DLGAP3: variants seen among roughly 807,000 people sequenced by gnomAD.
DLGAP3 encodes disks large-associated protein 3.
A neutral mutation model predicts 81.2 loss-of-function variants in DLGAP3; 17 were observed. The observed-to-expected ratio is 0.21, with a 90% CI of 0.14 to 0.31. DLGAP3 has a LOEUF of 0.31. Among genes scored for constraint, DLGAP3 ranks in the 10% least tolerant of loss-of-function variants. DLGAP3 has a pLI of 1.00. For missense variants in DLGAP3, 1,124 were observed against 1,388.0 expected (o/e 0.81, Z 3.02); for synonymous variants, 577 against 587.4 (o/e 0.98, Z 0.26).
chr1:34,878,104 C>T (rs1413340083), intron 8 of DLGAP3, among the ~76,000 whole-genome samples: 1 of 152,020 alleles, frequency 6.6e-6, no homozygotes, highest in Non-Finnish European at 1.5e-5. Flanking sequence ...CAGGAGTTCG[C>T]GACCAGCCTG....
Position 34,866,049 on chromosome 1 carries a change from G to GCGGGC in DLGAP3, c.*29_*33dup. ...GGGTGTACAGTACGGGTGGAGAACC[G>GCGGGC]CGGGCCCGGGCCGGGCTGGGCGGGC... On this transcript the variant is annotated 3_prime_UTR_variant, in exon 12 of 12. Transcript: ENST00000373347. 1.3e-6 allele frequency: 2 copies of GCGGGC among 1,560,602 alleles called. No homozygotes were observed. Among genetic ancestry groups the GCGGGC allele is most frequent in the Non-Finnish European group, 1.7e-6 (2 of 1,153,408 alleles).
chr1:34,904,552 T>G lies in DLGAP3; in HGVS notation c.832A>C (p.Arg278=), dbSNP rs1360299083. 6.2e-7 allele frequency: 1 copy of G among 1,613,890 alleles called. No individual in the cohort carries two copies. The highest frequency in any genetic ancestry group is 8.5e-7 in the Non-Finnish European group (1 of 1,179,944). The change falls in exon 3 of 12, where the codon AGG becomes CGG. Residue 278 remains arginine, a synonymous_variant. Coordinates refer to ENST00000373347, the MANE Select transcript of DLGAP3 (RefSeq NM_001080418.3). This position sits in a 1 kb window ranked among gnomAD's most constrained non-coding sequence, Gnocchi z 8.1. ...DSDSGFLAGG[R]PPGEPGGPFC... is the part of the protein sequence containing the mutation. ...GGACCACCAGGCTCCCCAGGGGGCCTCCCACCCGCCAGGAAGCCGCTATCA... is the reference window on the plus strand; with the variant it reads ...GGACCACCAGGCTCCCCAGGGGGCCGCCCACCCGCCAGGAAGCCGCTATCA...
chr1:34,927,075 G>A (rs1639883703), intron 1 of DLGAP3, among the ~76,000 whole-genome samples: 1 of 152,114 alleles, frequency 6.6e-6, no homozygotes, highest in African/African-American at 2.4e-5. Flanking sequence ...CTCACCAGCA[G>A]GAATCAAGAC....
At chr1:34,903,461 T>C (rs1639495066) in intron 3 of DLGAP3, among the ~76,000 whole-genome samples, 1 of 152,182 alleles carries the variant, frequency 6.6e-6, no homozygotes, top group Admixed American at 6.5e-5. Flanking sequence ...CTCCAGAACT[T>C]GTATTGACTT....
Position 34,905,293 on chromosome 1 carries a change from C to T in DLGAP3, c.91G>A (p.Ala31Thr), listed in dbSNP as rs1441855396. ...QHMDVGPAAR[A>T]PYLLGSREAF... is the part of the protein sequence containing the mutation. ...TCCCTGGAGCCCAGCAGGTATGGGG[C>T]CCTGGCAGCAGGGCCCACGTCCATA... is the stretch of plus-strand genomic sequence containing the variant. Residue 31 changes from alanine to threonine, a missense_variant, in exon 3 of 12, where the codon GCC becomes ACC. This residue lies in a region of DLGAP3 where 167 missense variants were observed against 172.1 expected (regional missense o/e 0.97). Coordinates refer to ENST00000373347, the MANE Select transcript of DLGAP3 (RefSeq NM_001080418.3). 3 of 1,571,734 alleles carry T rather than the reference C, an allele frequency of 1.9e-6. No homozygotes were observed. Among genetic ancestry groups the T allele is most frequent in the Non-Finnish European group, 2.6e-6 (3 of 1,158,620 alleles).
At chr1:34,884,295 G>A (rs1639187931) in intron 8 of DLGAP3, among the ~76,000 whole-genome samples, 1 of 151,980 alleles carries the variant, frequency 6.6e-6, no homozygotes, top group Non-Finnish European at 1.5e-5. Context: ...GCCAGCCCCT[G>A]GCAAGCTCCC....
chr1:34,869,480 A>ATTT (rs71029050), intron 8 of DLGAP3, among the ~76,000 whole-genome samples: 3 of 69,272 alleles, frequency 4.3e-5, no homozygotes, highest in Non-Finnish European at 8.5e-5. Flanking sequence ...AGATATTTCA[A>ATTT]TTTTTTTTTT....
chr1:34,867,711 C>A lies in DLGAP3; in HGVS notation c.2486-84G>T. ...CGAAGTCTGCCCTGAATGACGCTGA[C>A]CCCTCGGTTGCTTGGCACTGTGTAT... is the stretch of plus-strand genomic sequence containing the variant. On this transcript the variant is annotated intron_variant, in intron 9 of 11. Coordinates refer to ENST00000373347, the MANE Select transcript of DLGAP3 (RefSeq NM_001080418.3). The surrounding 1 kb of genome is among the most constrained non-coding windows in gnomAD (Gnocchi z 4.3). 2 of 1,152,642 alleles carry A rather than the reference C, an allele frequency of 1.7e-6. No homozygotes were observed. Among genetic ancestry groups the A allele is most frequent in the South Asian group, 1.2e-5 (1 of 81,580 alleles). The allele number at this position is 1,152,642 out of a possible 1,614,324, so 71.4% of individuals were successfully genotyped here.
chr1:34,917,597 C>T (rs901764073), intron 1 of DLGAP3, among the ~76,000 whole-genome samples: 3 of 152,098 alleles, frequency 2.0e-5, no homozygotes, highest in African/African-American at 4.8e-5. Context: ...CCTCCTGCCT[C>T]GGCCTCCCAA....
At chr1:34,883,776 C>A (rs1224695222) in intron 8 of DLGAP3, among the ~76,000 whole-genome samples, 1 of 151,574 alleles carries the variant, frequency 6.6e-6, no homozygotes. Context: ...ATGGTGAATC[C>A]CATAGGAACA....
chr1:34,899,545 G>A lies in DLGAP3; in HGVS notation c.1386+124C>T, dbSNP rs949326331. On this transcript the variant is annotated intron_variant, in intron 5 of 11. Transcript: ENST00000373347. ...CAGGAGTCCTAAGGCAGGTTTCCCA[G>A]TTTCCCCAGAGCCAGGCCTGAGCTC... 4.4e-6 allele frequency: 4 copies of A among 903,680 alleles called. 1 individual carries two copies. Among genetic ancestry groups the A allele is most frequent in the African/African-American group, 3.3e-5 (2 of 61,418 alleles). The allele number at this position is 903,680 out of a possible 1,614,324, so 56.0% of individuals were successfully genotyped here.
At chr1:34,926,806 TG>T (rs1224422194) in intron 1 of DLGAP3, among the ~76,000 whole-genome samples, 1 of 152,122 alleles carries the variant, frequency 6.6e-6, no homozygotes. Context: ...AGAAAGGGTT[TG>T]GGGGTAACTA....
chr1:34,894,264 CAA>C (rs59073158), intron 5 of DLGAP3, among the ~76,000 whole-genome samples: 7 of 117,240 alleles, frequency 6.0e-5, no homozygotes, highest in Middle Eastern at 4.8e-3. Context: ...TAAGATAAAG[CAA>C]AAAAAAAAAA....
intron 1 of DLGAP3, among the ~76,000 whole-genome samples, chr1:34,926,137 T>C (rs1639868166): frequency 6.6e-6 from 1 of 152,180 alleles, no homozygotes; most frequent in African/African-American, 2.4e-5. Context: ...TATGTAACCA[T>C]ATGTGTAAAC....
chr1:34,911,791 C>T (rs1457563855), intron 1 of DLGAP3, among the ~76,000 whole-genome samples: 1 of 152,140 alleles, frequency 6.6e-6, no homozygotes, highest in Non-Finnish European at 1.5e-5. Flanking sequence ...CTGTGTAATT[C>T]GCCAGGAGGT....
intron 1 of DLGAP3, among the ~76,000 whole-genome samples, chr1:34,914,510 G>A (rs1322261582): frequency 1.3e-5 from 2 of 152,178 alleles, no homozygotes; most frequent in Non-Finnish European, 2.9e-5. Flanking sequence ...AGCAACTGTG[G>A]CTTCTGGGTC....
rs1449942585 is a variant in DLGAP3 at position 34,873,798 on chromosome 1, G to A, written c.2001-4709C>T. ...TGCATAAGTGTCTCCTCACTAAATAGGGCAGTTCATCACACTGGTTGGTTG... is the reference window on the plus strand; with the variant it reads ...TGCATAAGTGTCTCCTCACTAAATAAGGCAGTTCATCACACTGGTTGGTTG... On this transcript the variant is annotated intron_variant, in intron 8 of 11. Coordinates refer to ENST00000373347, the MANE Select transcript of DLGAP3 (RefSeq NM_001080418.3). This position sits in a 1 kb window ranked among gnomAD's most constrained non-coding sequence, Gnocchi z 4.2. Among the ~76,000 whole-genome samples the A allele has an allele frequency of 1.3e-5, 2 of 151,820 alleles. No individual in the cohort carries two copies. Among genetic ancestry groups the A allele is most frequent in the African/African-American group, 2.4e-5 (1 of 41,158 alleles).
intron 5 of DLGAP3, among the ~76,000 whole-genome samples, chr1:34,889,066 T>C (rs78961118): frequency 0.023 from 3,430 of 152,302 alleles, 77 homozygotes; most frequent in Non-Finnish European, 0.028. Context: ...AGGCATAATA[T>C]CTGGCACACA....
Position 34,867,011 on chromosome 1 carries a change from A to G in DLGAP3, c.2721+37T>C. ...CTCTCTGGGGAGGGGAATTTCCCAG[A>G]GTCTGGCCTCTTTGCCTGAAGGCAC... On this transcript the variant is annotated intron_variant, in intron 11 of 11. Coordinates refer to ENST00000373347, the MANE Select transcript of DLGAP3 (RefSeq NM_001080418.3). The surrounding 1 kb of genome is among the most constrained non-coding windows in gnomAD (Gnocchi z 4.3). 6.2e-7 allele frequency: 1 copy of G among 1,613,572 alleles called. No homozygotes were observed.
Sources: allele counts gnomAD v4.1 joint callset (sites outside exome capture counted in the v4.1 genomes callset), GRCh38; gene constraint gnomAD v4.1.1; regional missense constraint gnomAD v4.1.1; non-coding constraint Gnocchi (gnomAD v3.1); transcripts MANE v1.5; gene names NCBI Gene and HGNC (gene_info 2026-07-23, HGNC 2026-07-21).